MAP2K4: variants seen among roughly 807,000 people sequenced by gnomAD.
MAP2K4 encodes the protein mitogen-activated protein kinase kinase 4, also known as dual specificity mitogen-activated protein kinase kinase 4.
Under a neutral mutation model 48.5 loss-of-function variants are expected in MAP2K4, and 4 were observed. The ratio of observed to expected loss-of-function variants is 0.08; its 90% CI spans 0.04 to 0.19. The LOEUF is 0.19. Among genes scored for constraint, MAP2K4 ranks in the 10% least tolerant of loss-of-function variants. The pLI, the probability that MAP2K4 is intolerant of heterozygous loss-of-function variation, is 1.00. For synonymous variants in MAP2K4, 166 were observed against 173.1 expected (o/e 0.96, Z 0.32); for missense variants, 258 against 493.3 (o/e 0.52, Z 4.52).
Position 12,141,429 on chromosome 17 carries a change from C to T in MAP2K4, c.*169C>T. 1 of 617,608 alleles carries T rather than the reference C, an allele frequency of 1.6e-6. No homozygotes were observed. The highest frequency in any genetic ancestry group is 2.9e-6 in the Non-Finnish European group (1 of 344,834). The allele number at this position is 617,608 out of a possible 1,614,324, so 38.3% of individuals were successfully genotyped here. The stretch of plus-strand genomic sequence containing the variant: ...ACTCCTGTCACCTAGAACGTGCATC[C>T]TTGTAATACCTGATTGATCACACAG... On this transcript the variant is annotated 3_prime_UTR_variant, in exon 11 of 11. Transcript: ENST00000353533.
In MAP2K4 at chr17:12,065,253, T is replaced by C. The variant is rs566127901; in HGVS notation, c.218+10262T>C. 1.5e-3 allele frequency among the ~76,000 whole-genome samples: 188 copies of C among 126,558 alleles called. No individual in the cohort carries two copies. In the Middle Eastern group the frequency reaches 0.019, roughly 13 times the overall value. The allele number at this position is 126,558 out of a possible 152,430, so 83.0% of individuals were successfully genotyped here. A position where few individuals can be genotyped will look rare whatever the true frequency, so the allele number is the denominator to read the frequency against. On this transcript the variant is annotated intron_variant, in intron 2 of 10. Transcript: ENST00000353533. ...TCCTGAACAATAACAATTATATATA[T>C]ACATATATTATTATTATTATTATTA...
chr17:12,118,633 T>C (rs1278344523), intron 7 of MAP2K4, among the ~76,000 whole-genome samples: 1 of 152,214 alleles, frequency 6.6e-6, no homozygotes, highest in African/African-American at 2.4e-5. Context: ...TTCACCCAAA[T>C]GCGACTTCAT....
intron 2 of MAP2K4, among the ~76,000 whole-genome samples, chr17:12,075,452 C>A (rs1345182070): frequency 6.6e-6 from 1 of 152,052 alleles, no homozygotes; most frequent in East Asian, 1.9e-4. Flanking sequence ...GGAAGGTAAA[C>A]AACAAACTGG....
chr17:12,121,753 A>C (rs557341007), intron 7 of MAP2K4, among the ~76,000 whole-genome samples: 1 of 152,148 alleles, frequency 6.6e-6, no homozygotes, highest in Admixed American at 6.5e-5. Context: ...TCAGACTACA[A>C]CTATTTTTAG....
Position 12,065,138 on chromosome 17 carries a change from T to G in MAP2K4, c.218+10147T>G, listed in dbSNP as rs1233867469. ...TGCTGTATTTTGTGAAATAGAAAGG[T>G]GTCTGCATTTGTCAAAACTCATTGA... On this transcript the variant is annotated intron_variant, in intron 2 of 10. Transcript: ENST00000353533. Among the ~76,000 whole-genome samples, 4 of 152,154 alleles carry G rather than the reference T, an allele frequency of 2.6e-5. No homozygotes were observed. The East Asian group carries it at 7.7e-4, about 29-fold the overall frequency.
intron 1 of MAP2K4, among the ~76,000 whole-genome samples, chr17:12,035,524 A>G (rs942787868): frequency 2.0e-5 from 3 of 152,202 alleles, no homozygotes; most frequent in Non-Finnish European, 4.4e-5. Flanking sequence ...CTCAAAATAA[A>G]TAAATAAATA....
intron 2 of MAP2K4, among the ~76,000 whole-genome samples, chr17:12,057,175 C>T (rs556992897): frequency 1.1e-4 from 17 of 152,008 alleles, no homozygotes; most frequent in African/African-American, 4.1e-4. Flanking sequence ...AATTGGCTGT[C>T]GTAATTTTAG....
At chr17:12,021,298 C>G (rs1189310713) in intron 1 of MAP2K4, 3 of 203,408 alleles carry the variant, frequency 1.5e-5, no homozygotes, top group African/African-American at 2.3e-5. Flanking sequence ...CCCCCGCGGC[C>G]GTCCCCATCG....
chr17:12,120,542 C>T (rs925767528), intron 7 of MAP2K4, among the ~76,000 whole-genome samples: 11 of 140,860 alleles, frequency 7.8e-5, no homozygotes, highest in Non-Finnish European at 1.4e-4. Context: ...ATTCCCCCCC[C>T]CATAAAAAAG....
rs1424766074 is a variant in MAP2K4, at chr17:12,129,171, A to G, written c.924A>G (p.Pro308=). The G allele has an allele frequency of 8.1e-6, 13 of 1,614,038 alleles. No individual in the cohort carries two copies. Among genetic ancestry groups the G allele is most frequent in the South Asian group, 1.1e-5 (1 of 91,084 alleles). ...TGGCCACAGGCCGATTTCCTTATCC[A>G]AAGTGGAATAGTGTATTTGATCAAC... The part of the protein sequence containing the change: ...YELATGRFPY[P]KWNSVFDQLT... Residue 308 remains proline (P), a synonymous_variant, in exon 9 of 11, where the codon CCA becomes CCG. Coordinates refer to ENST00000353533, the MANE Select transcript of MAP2K4 (RefSeq NM_003010.4).
intron 8 of MAP2K4, among the ~76,000 whole-genome samples, chr17:12,128,792 A>G (rs1972938672): frequency 6.6e-6 from 1 of 152,190 alleles, no homozygotes; most frequent in Non-Finnish European, 1.5e-5. Flanking sequence ...TTCTATAGTA[A>G]AATAGTTCTA....
chr17:12,053,670 A>G (rs1330970170), intron 1 of MAP2K4, among the ~76,000 whole-genome samples: 1 of 151,850 alleles, frequency 6.6e-6, no homozygotes, highest in African/African-American at 2.4e-5. Flanking sequence ...ATTTCTGAAA[A>G]TGGATGTGTT....
In MAP2K4 at chr17:12,141,236, C is replaced by T; in HGVS notation, c.1176C>T (p.Pro392=). 1 of 1,613,416 alleles carries T rather than the reference C, an allele frequency of 6.2e-7. No individual in the cohort carries two copies. Among genetic ancestry groups the T allele is most frequent in the Non-Finnish European group, 8.5e-7 (1 of 1,179,348 alleles). Residue 392 remains proline (P), a synonymous_variant, in exon 11 of 11, where the codon CCC becomes CCT. Transcript: ENST00000353533. ...TCCTGGATCAAATGCCAGCTACTCC[C>T]AGCTCTCCCATGTATGTCGATTGAT... ...CKILDQMPAT[P]SSPMYVD
chr17:12,136,839 CAAA>C (rs1973227018), intron 9 of MAP2K4, among the ~76,000 whole-genome samples: 1 of 152,080 alleles, frequency 6.6e-6, no homozygotes, highest in Admixed American at 6.5e-5. Flanking sequence ...AAAAATGCAA[CAAA>C]AATACTGACA....
intron 1 of MAP2K4, among the ~76,000 whole-genome samples, chr17:12,042,736 A>T (rs1262693203): frequency 6.6e-6 from 1 of 152,136 alleles, no homozygotes; most frequent in South Asian, 2.1e-4. Flanking sequence ...ATGTGGACGT[A>T]CACACTCTTT....
intron 10 of MAP2K4, among the ~76,000 whole-genome samples, 196 bp from the exon 11 acceptor site, chr17:12,140,951 C>T (rs947244107): frequency 6.6e-6 from 1 of 152,156 alleles, no homozygotes; most frequent in Non-Finnish European, 1.5e-5. Context: ...TATCCTCTCT[C>T]TAGGCATGCC....
At chr17:12,042,508 G>A (rs1055370269) in intron 1 of MAP2K4, among the ~76,000 whole-genome samples, 8 of 152,076 alleles carry the variant, frequency 5.3e-5, no homozygotes, top group Admixed American at 3.3e-4. Flanking sequence ...TTAGCTAGGC[G>A]TGGTGGCCTG....
intron 3 of MAP2K4, among the ~76,000 whole-genome samples, chr17:12,087,500 T>C (rs533303783): frequency 6.6e-6 from 1 of 152,246 alleles, no homozygotes; most frequent in South Asian, 2.1e-4. Context: ...CATAATGTAA[T>C]ATAACACATG....
At chr17:12,035,345 C>T (rs1244495400) in intron 1 of MAP2K4, among the ~76,000 whole-genome samples, 1 of 152,120 alleles carries the variant, frequency 6.6e-6, no homozygotes, top group Non-Finnish European at 1.5e-5. Context: ...TGGAGAAACC[C>T]CGCCTCTACT....
Sources: allele counts gnomAD v4.1 joint callset (sites outside exome capture counted in the v4.1 genomes callset), GRCh38; gene constraint gnomAD v4.1.1; transcripts MANE v1.5; gene names NCBI Gene and HGNC (gene_info 2026-07-23, HGNC 2026-07-21).